LYRM4: variants seen among roughly 807,000 people sequenced by gnomAD.
The protein encoded by LYRM4 is LYR motif-containing protein 4.
A neutral mutation model predicts 11.7 loss-of-function variants in LYRM4; 9 were observed. The observed-to-expected ratio is 0.77, with a 90% confidence interval of 0.46 to 1.34. The LOEUF is 1.34. Among genes scored for constraint, LYRM4 ranks in the 40% most tolerant of loss-of-function variants. The pLI is 0.00. For synonymous variants in LYRM4, 42 were observed against 40.4 expected (o/e 1.04, Z -0.15); for missense variants, 133 against 112.5 (o/e 1.18, Z -0.82).
intron 2 of LYRM4, among the ~76,000 whole-genome samples, chr6:5,126,859 G>C (rs1763721072): frequency 6.6e-6 from 1 of 152,194 alleles, no homozygotes; most frequent in South Asian, 2.1e-4. Context: ...GTGCGAATGA[G>C]TACGGGGTTT....
the LYRM4 span, among the ~76,000 whole-genome samples, chr6:5,095,831 T>C: frequency 9.7e-4 from 148 of 152,034 alleles, 7 homozygotes; most frequent in East Asian, 0.027. Context: ...AATACAAAAA[T>C]TAGCCAGGCG....
At chr6:5,209,970 G>C (rs1016702137) in intron 2 of LYRM4, among the ~76,000 whole-genome samples, 1 of 152,126 alleles carries the variant, frequency 6.6e-6, no homozygotes, top group African/African-American at 2.4e-5. Flanking sequence ...ATATATTCTA[G>C]TACTGGTAAC....
At chr6:5,245,118 ATATATATATATATATATATAT>A (rs1764121372) in intron 1 of LYRM4, among the ~76,000 whole-genome samples, 1 of 17,486 alleles carries the variant, frequency 5.7e-5, no homozygotes, top group African/African-American at 2.8e-4. Flanking sequence ...AAAAAAATAT[ATATATATATATATATATATAT>A]ATATATATAT....
At chr6:5,246,462 C>T (rs1764201345) in intron 1 of LYRM4, among the ~76,000 whole-genome samples, 1 of 152,220 alleles carries the variant, frequency 6.6e-6, no homozygotes, top group South Asian at 2.1e-4. Context: ...GAACTTCCTC[C>T]TCCTAAGAAT....
intron 1 of LYRM4, among the ~76,000 whole-genome samples, chr6:5,251,695 G>A (rs747653187): frequency 3.9e-5 from 6 of 152,172 alleles, no homozygotes; most frequent in Non-Finnish European, 8.8e-5. Flanking sequence ...ACGGGGGATT[G>A]CATTTCAGCA....
At chr6:5,086,705 T>A in the LYRM4 span, 1 of 698,962 alleles carries the variant, frequency 1.4e-6, no homozygotes, top group Non-Finnish European at 2.3e-6. Context: ...GAGGGAGACT[T>A]TGAACCGTCG....
chr6:5,185,134 G>A (rs1287959850), intron 2 of LYRM4, among the ~76,000 whole-genome samples: 3 of 152,142 alleles, frequency 2.0e-5, no homozygotes, highest in African/African-American at 4.8e-5. Flanking sequence ...GGGTCGAGTC[G>A]CCCCTTGTTA....
At chr6:5,227,169 G>A (rs1442324719) in intron 1 of LYRM4, among the ~76,000 whole-genome samples, 1 of 152,212 alleles carries the variant, frequency 6.6e-6, no homozygotes, top group East Asian at 1.9e-4. Context: ...GTGGAGCTAA[G>A]GTGAGGAGGT....
At chr6:5,143,447 A>T (rs1389251007) in intron 2 of LYRM4, among the ~76,000 whole-genome samples, 1 of 152,234 alleles carries the variant, frequency 6.6e-6, no homozygotes, top group Non-Finnish European at 1.5e-5. Context: ...TGTGATACAG[A>T]CATCGGGAGG....
intron 2 of LYRM4, among the ~76,000 whole-genome samples, chr6:5,173,967 G>C (rs890586298): frequency 1.3e-5 from 2 of 152,142 alleles, no homozygotes; most frequent in South Asian, 4.1e-4. Context: ...TATAGACTGG[G>C]GGGCTTTGTT....
chr6:5,168,971 C>A (rs1393145620), intron 2 of LYRM4, among the ~76,000 whole-genome samples: 1 of 152,122 alleles, frequency 6.6e-6, no homozygotes, highest in Non-Finnish European at 1.5e-5. Context: ...CAAACAGTAA[C>A]AGCTGGTGAA....
chr6:5,260,796 C>A lies in LYRM4; in HGVS notation c.-63G>T. 1 of 1,533,672 alleles carries A rather than the reference C, an allele frequency of 6.5e-7. No individual in the cohort carries two copies. The highest frequency in any genetic ancestry group is 8.7e-7 in the Non-Finnish European group (1 of 1,145,656). On this transcript the variant is annotated 5_prime_UTR_variant, in exon 1 of 3. Transcript: ENST00000330636. The stretch of plus-strand genomic sequence containing the variant: ...GAGGTCCCAAGTACGACCCAACCCA[C>A]GAAACTCCAGCCTGTGCGGAAACCA...
intron 1 of LYRM4, among the ~76,000 whole-genome samples, chr6:5,227,214 G>A (rs1762945095): frequency 6.6e-6 from 1 of 152,178 alleles, no homozygotes; most frequent in Non-Finnish European, 1.5e-5. Flanking sequence ...TAAGGGACAA[G>A]GAAGTGTGAG....
chr6:5,081,134 CGGGG>C, the LYRM4 span, among the ~76,000 whole-genome samples: 1 of 126,112 alleles, frequency 7.9e-6, no homozygotes, highest in African/African-American at 3.6e-5. Flanking sequence ...CACACTTGGG[CGGGG>C]GGGGGGGGGG....
intron 2 of LYRM4, among the ~76,000 whole-genome samples, chr6:5,166,275 A>C (rs1260395978): frequency 6.6e-6 from 1 of 152,246 alleles, no homozygotes; most frequent in Non-Finnish European, 1.5e-5. Context: ...AAACCACATC[A>C]AGTATTTAAA....
At chr6:5,238,624 A>G (rs1023207639) in intron 1 of LYRM4, among the ~76,000 whole-genome samples, 6 of 152,218 alleles carry the variant, frequency 3.9e-5, no homozygotes, top group Non-Finnish European at 8.8e-5. Flanking sequence ...AGGGTGATTT[A>G]ATTCAGTGAG....
the LYRM4 span, among the ~76,000 whole-genome samples, chr6:5,034,990 A>C: frequency 2.0e-5 from 3 of 151,830 alleles, no homozygotes; most frequent in Non-Finnish European, 4.4e-5. Flanking sequence ...TATACAAGAA[A>C]AGAGTTATGT....
At chr6:5,186,108 G>T (rs1760376700) in intron 2 of LYRM4, among the ~76,000 whole-genome samples, 1 of 152,132 alleles carries the variant, frequency 6.6e-6, no homozygotes, top group South Asian at 2.1e-4. Context: ...ATGCCAGGGG[G>T]TTGAGGTGTT....
the LYRM4 span, among the ~76,000 whole-genome samples, chr6:5,069,732 G>C: frequency 6.6e-6 from 1 of 152,092 alleles, no homozygotes; most frequent in Non-Finnish European, 1.5e-5. Context: ...GCCTGCCTCA[G>C]CCTCCCAAAG....
Sources: gnomAD v4.1 joint callset for allele counts (sites outside exome capture counted in the v4.1 genomes callset) on GRCh38, gnomAD v4.1.1 for gene constraint, MANE v1.5 for transcripts, NCBI Gene and HGNC (gene_info 2026-07-23, HGNC 2026-07-21) for gene names.